The following CACNB4 variants were observed in gnomAD, a reference collection of about 807,000 sequenced individuals.
CACNB4 encodes voltage-dependent L-type calcium channel subunit beta-4.
A neutral mutation model predicts 71.2 loss-of-function variants in CACNB4; 32 were observed. The observed-to-expected ratio is 0.45, with a 90% CI of 0.34 to 0.60. CACNB4 has a LOEUF of 0.60. Ranked by LOEUF, CACNB4 falls within the 20% of genes least tolerant of loss-of-function variation. The pLI, the probability that CACNB4 is intolerant of heterozygous loss-of-function variation, is 0.01. For synonymous variants in CACNB4, 231 were observed against 236.9 expected (o/e 0.97, Z 0.23); for missense variants, 464 against 647.9 (o/e 0.72, Z 3.08).
chr2:152,014,246 C>T (rs1683218506), intron 2 of CACNB4, among the ~76,000 whole-genome samples: 1 of 151,692 alleles, frequency 6.6e-6, no homozygotes, highest in East Asian at 1.9e-4. Flanking sequence ...ACTCCAGAGG[C>T]TGAGACAGGA....
intron 2 of CACNB4, among the ~76,000 whole-genome samples, chr2:151,933,511 G>A (rs979788814): frequency 6.6e-6 from 1 of 151,982 alleles, no homozygotes; most frequent in South Asian, 2.1e-4. Flanking sequence ...TCTTGTAACA[G>A]ATAGAAAAAC....
chr2:151,897,337 G>A (rs1489709344), intron 2 of CACNB4, among the ~76,000 whole-genome samples: 1 of 152,148 alleles, frequency 6.6e-6, no homozygotes, highest in Non-Finnish European at 1.5e-5. Context: ...GCTTGGTGAT[G>A]GAATCGGTCA....
In CACNB4 at chr2:151,950,656, A is replaced by G. The variant is rs144468935; in HGVS notation, c.148-67286T>C. Among the ~76,000 whole-genome samples, 525 of 152,374 alleles carry G rather than the reference A, an allele frequency of 3.4e-3. 5 individuals are homozygous for G. The highest frequency in any genetic ancestry group is 0.012 in the African/African-American group (502 of 41,588). ...TAAAAAAGGAATGAAGTACTAATACATACTCTGACATGGATGAACCTTGAA... is the reference window on the plus strand; with the variant it reads ...TAAAAAAGGAATGAAGTACTAATACGTACTCTGACATGGATGAACCTTGAA... On this transcript the variant is annotated intron_variant, in intron 2 of 13. Transcript: ENST00000539935.
At chr2:152,020,143 C>T (rs1032711843) in intron 2 of CACNB4, among the ~76,000 whole-genome samples, 22 of 152,338 alleles carry the variant, frequency 1.4e-4, no homozygotes, top group African/African-American at 4.8e-4. Flanking sequence ...GTGGGCTCTA[C>T]CCTTTAGGGA....
At chr2:152,050,742 C>A (rs1340445098) in intron 2 of CACNB4, among the ~76,000 whole-genome samples, 1 of 151,850 alleles carries the variant, frequency 6.6e-6, no homozygotes, top group Non-Finnish European at 1.5e-5. Flanking sequence ...TTAATGCAGG[C>A]ATATCCACTT....
At chr2:152,031,039 G>A (rs1684257006) in intron 2 of CACNB4, among the ~76,000 whole-genome samples, 1 of 152,206 alleles carries the variant, frequency 6.6e-6, no homozygotes, top group Non-Finnish European at 1.5e-5. Flanking sequence ...ACTTGGGGTA[G>A]ACAGGCGGTA....
intron 2 of CACNB4, among the ~76,000 whole-genome samples, chr2:152,059,284 T>C (rs1004849504): frequency 6.6e-6 from 1 of 151,734 alleles, no homozygotes; most frequent in Non-Finnish European, 1.5e-5. Context: ...CAGCCTGCAC[T>C]GTGTGTGTGC....
At chr2:152,087,512 G>A (rs1399268156) in intron 2 of CACNB4, among the ~76,000 whole-genome samples, 2 of 148,918 alleles carry the variant, frequency 1.3e-5, no homozygotes, top group Non-Finnish European at 3.0e-5. Flanking sequence ...AAATAAATAA[G>A]AATATGATCC....
intron 2 of CACNB4, among the ~76,000 whole-genome samples, chr2:152,036,188 G>T (rs531384620): frequency 6.6e-6 from 1 of 152,298 alleles, no homozygotes; most frequent in East Asian, 1.9e-4. Flanking sequence ...TTGTTCAATG[G>T]ATATAGAATT....
intron 2 of CACNB4, among the ~76,000 whole-genome samples, chr2:152,053,908 G>A (rs1342515209): frequency 6.6e-6 from 1 of 152,110 alleles, no homozygotes; most frequent in Non-Finnish European, 1.5e-5. Flanking sequence ...TATTACTTGC[G>A]ATTGGCATCT....
In CACNB4 at chr2:152,029,910, G is replaced by T. The variant is rs1684188093; in HGVS notation, c.147+68420C>A. ...GACTTCCCAGCCTCTAGAACTGTGA[G>T]AAATAAATTCCTGTTGTTTAAGCCA... On this transcript the variant is annotated intron_variant, in intron 2 of 13. Coordinates refer to ENST00000539935, the MANE Select transcript of CACNB4 (RefSeq NM_000726.5). Among the ~76,000 whole-genome samples the T allele has an allele frequency of 3.3e-5, 5 of 152,310 alleles. No individual in the cohort carries two copies. In the South Asian group the frequency reaches 1.0e-3, roughly 32 times the overall value.
intron 2 of CACNB4, among the ~76,000 whole-genome samples, chr2:152,094,851 G>A (rs1688182348): frequency 6.6e-6 from 1 of 152,176 alleles, no homozygotes; most frequent in South Asian, 2.1e-4. Context: ...GGGCTCTCCT[G>A]AAAGAAAATT....
At chr2:151,842,566 C>T (rs2099836496) in intron 12 of CACNB4, among the ~76,000 whole-genome samples, 1 of 151,926 alleles carries the variant, frequency 6.6e-6, no homozygotes, top group South Asian at 2.1e-4. Context: ...GAACTCTTGA[C>T]CTAGTGATCC....
chr2:151,847,419 G>C (rs899699901), intron 12 of CACNB4, among the ~76,000 whole-genome samples: 4 of 152,052 alleles, frequency 2.6e-5, no homozygotes, highest in African/African-American at 9.7e-5. Flanking sequence ...GTACTGTTCA[G>C]TAAAATCAAA....
intron 2 of CACNB4, among the ~76,000 whole-genome samples, chr2:151,996,634 C>G (rs1017517733): frequency 3.3e-5 from 5 of 152,176 alleles, no homozygotes; most frequent in African/African-American, 1.2e-4. Context: ...AATAAATAGC[C>G]CAATATCCCC....
intron 2 of CACNB4, among the ~76,000 whole-genome samples, chr2:152,015,939 A>T (rs193230685): frequency 6.6e-6 from 1 of 152,366 alleles, no homozygotes; most frequent in East Asian, 1.9e-4. Context: ...ACTTCCAGAC[A>T]GATATGTGCT....
intron 2 of CACNB4, among the ~76,000 whole-genome samples, chr2:151,991,721 T>A (rs765974370): frequency 1.3e-5 from 2 of 152,192 alleles, no homozygotes; most frequent in Non-Finnish European, 2.9e-5. Context: ...TTCCATTTTT[T>A]AAAAAAATCG....
At chr2:151,880,529 G>T in intron 4 of CACNB4, 1 of 436,360 alleles carries the variant, frequency 2.3e-6, no homozygotes, top group Non-Finnish European at 4.1e-6. Context: ...GGGATTTAAA[G>T]GTGCCCAGAG....
At chr2:152,070,982 G>A (rs1449970582) in intron 2 of CACNB4, among the ~76,000 whole-genome samples, 1 of 152,200 alleles carries the variant, frequency 6.6e-6, no homozygotes, top group Admixed American at 6.5e-5. Flanking sequence ...GGCCTGGCTG[G>A]TCTCAAACTC....
Sources: gnomAD v4.1 joint callset for allele counts (sites outside exome capture counted in the v4.1 genomes callset) on GRCh38, gnomAD v4.1.1 for gene constraint, MANE v1.5 for transcripts, NCBI Gene and HGNC (gene_info 2026-07-23, HGNC 2026-07-21) for gene names.